The following TSPAN18 variants were observed in gnomAD, a reference collection of about 807,000 sequenced individuals.
TSPAN18 encodes tetraspanin-18.
In TSPAN18, 14 loss-of-function variants were observed where a neutral mutation model predicts 27.3. The observed-to-expected ratio is 0.51, with a 90% CI of 0.34 to 0.80. The LOEUF (loss-of-function observed/expected upper bound fraction) is 0.80. TSPAN18 is among the 30% of genes least tolerant of loss of function. The pLI is 0.01. For synonymous variants in TSPAN18, 143 were observed against 136.5 expected, an observed-to-expected ratio of 1.05 and a Z score of -0.33; for missense variants, 268 against 323.9, an observed-to-expected ratio of 0.83 and a Z score of 1.32.
intron 5 of TSPAN18, among the ~76,000 whole-genome samples, chr11:44,910,471 C>T (rs1160932074): frequency 2.0e-5 from 3 of 152,214 alleles, no homozygotes; most frequent in East Asian, 1.9e-4. Flanking sequence ...GCCCAGATGG[C>T]GGGGGCCTTG....
At chr11:44,762,795 A>G (rs180779837) in intron 1 of TSPAN18, among the ~76,000 whole-genome samples, 58 of 152,186 alleles carry the variant, frequency 3.8e-4, no homozygotes, top group Admixed American at 3.3e-3. Context: ...CCTCCAGCCA[A>G]TCCCTATTTT....
intron 1 of TSPAN18, among the ~76,000 whole-genome samples, chr11:44,731,162 G>C (rs1335158055): frequency 6.6e-6 from 1 of 152,200 alleles, no homozygotes; most frequent in South Asian, 2.1e-4. Flanking sequence ...AAAGGTAGCT[G>C]AACTAGGCAT....
intron 2 of TSPAN18, among the ~76,000 whole-genome samples, chr11:44,780,420 A>G (rs1855911883): frequency 6.6e-6 from 1 of 152,252 alleles, no homozygotes; most frequent in Non-Finnish European, 1.5e-5. Context: ...GAGGCTGGGT[A>G]CATTTTCTGA....
intron 8 of TSPAN18, among the ~76,000 whole-genome samples, chr11:44,926,065 GACT>G (rs1163431613): frequency 6.6e-6 from 1 of 152,222 alleles, no homozygotes; most frequent in Non-Finnish European, 1.5e-5. Context: ...AGGGCCTGTG[GACT>G]GGGCTGGTTC....
intron 3 of TSPAN18, among the ~76,000 whole-genome samples, chr11:44,900,134 G>T (rs1275877079): frequency 6.6e-5 from 10 of 152,360 alleles, no homozygotes; most frequent in Non-Finnish European, 1.2e-4. Flanking sequence ...GCAGGGATTG[G>T]AGGTCCCATG....
chr11:44,854,385 G>A (rs1857683039), intron 2 of TSPAN18, among the ~76,000 whole-genome samples: 1 of 152,136 alleles, frequency 6.6e-6, no homozygotes, highest in Non-Finnish European at 1.5e-5. Context: ...CAGAACATGA[G>A]GCCCAGGTGT....
At chr11:44,869,953 G>A (rs1858147484) in intron 3 of TSPAN18, among the ~76,000 whole-genome samples, 1 of 152,204 alleles carries the variant, frequency 6.6e-6, no homozygotes, top group Admixed American at 6.5e-5. Context: ...GAAACTGGCA[G>A]TGACTTCTGA....
intron 2 of TSPAN18, among the ~76,000 whole-genome samples, chr11:44,788,624 A>C (rs1486817294): frequency 6.6e-6 from 1 of 151,610 alleles, no homozygotes; most frequent in Non-Finnish European, 1.5e-5. Flanking sequence ...CGCCCAACTA[A>C]TTTTTGTAGA....
intron 2 of TSPAN18, among the ~76,000 whole-genome samples, chr11:44,769,547 T>A (rs1855644296): frequency 6.6e-6 from 1 of 152,204 alleles, no homozygotes; most frequent in African/African-American, 2.4e-5. Flanking sequence ...TTTTGCAAGG[T>A]TTATTGATTA....
At chr11:44,921,909 A>G (rs7107754) in intron 8 of TSPAN18, among the ~76,000 whole-genome samples, 41,948 of 152,058 alleles carry the variant, frequency 0.28, 8,294 homozygotes, top group African/African-American at 0.56. Context: ...CTTCAAAATC[A>G]GAGCTCATCA....
chr11:44,776,290 C>A (rs1466570094), intron 2 of TSPAN18, among the ~76,000 whole-genome samples: 1 of 152,206 alleles, frequency 6.6e-6, no homozygotes, highest in Non-Finnish European at 1.5e-5. Flanking sequence ...TGGCCCGAGT[C>A]ACATCTGGCT....
chr11:44,832,021 G>A (rs1363171324), intron 2 of TSPAN18, among the ~76,000 whole-genome samples: 1 of 152,186 alleles, frequency 6.6e-6, no homozygotes, highest in Non-Finnish European at 1.5e-5. Flanking sequence ...TGATCAAAGA[G>A]GGTGAGAGGG....
intron 8 of TSPAN18, chr11:44,926,458 G>C: frequency 1.8e-6 from 1 of 562,182 alleles, no homozygotes; most frequent in Admixed American, 3.1e-5. Context: ...CCACCTTAGG[G>C]GCCGGGTGGC....
intron 3 of TSPAN18, among the ~76,000 whole-genome samples, chr11:44,861,450 C>T (rs1448081507): frequency 5.4e-5 from 1 of 18,686 alleles, no homozygotes; most frequent in Non-Finnish European, 1.0e-4. Context: ...CTGGTCGGTG[C>T]TGGGGTGGGG....
At position 44,871,228 on chromosome 11, in the gene TSPAN18, G is replaced by A. The variant is rs1858184921; in HGVS notation, c.-11+10759G>A. ...TAAACAACAAATATTTATTTCTCAA[G>A]ATGCTAGAGGCTGGAAGTCTAAGAT... On this transcript the variant is annotated intron_variant, in intron 3 of 9. Coordinates refer to ENST00000520358, the MANE Select transcript of TSPAN18 (RefSeq NM_130783.5). 2.0e-5 allele frequency among the ~76,000 whole-genome samples: 3 copies of A among 152,168 alleles called. No homozygotes were observed. The South Asian group carries it at 6.2e-4, about 31-fold the overall frequency.
chr11:44,782,063 A>G (rs542261451), intron 2 of TSPAN18, among the ~76,000 whole-genome samples: 1 of 152,342 alleles, frequency 6.6e-6, no homozygotes, highest in African/African-American at 2.4e-5. Flanking sequence ...TCTTATGTAT[A>G]TATAGTAATT....
intron 2 of TSPAN18, among the ~76,000 whole-genome samples, chr11:44,778,795 G>A (rs1459099794): frequency 6.6e-6 from 1 of 152,196 alleles, no homozygotes; most frequent in African/African-American, 2.4e-5. Flanking sequence ...CTGGCAGTCT[G>A]TGGTTCTTAG....
intron 2 of TSPAN18, among the ~76,000 whole-genome samples, chr11:44,855,978 G>A (rs1857726919): frequency 6.6e-6 from 1 of 151,894 alleles, no homozygotes; most frequent in South Asian, 2.1e-4. Context: ...CGTCTCCCAG[G>A]TTCAAGTGAT....
chr11:44,728,386 C>G (rs1263692115), intron 1 of TSPAN18, among the ~76,000 whole-genome samples: 1 of 152,120 alleles, frequency 6.6e-6, no homozygotes, highest in African/African-American at 2.4e-5. Context: ...GTTGCAGAAA[C>G]CCAAACCCCA....
Sources: allele counts gnomAD v4.1 joint callset (sites outside exome capture counted in the v4.1 genomes callset), GRCh38; gene constraint gnomAD v4.1.1; transcripts MANE v1.5; gene names NCBI Gene and HGNC (gene_info 2026-07-23, HGNC 2026-07-21).